GLIS1: variants seen among roughly 807,000 people sequenced by gnomAD.
GLIS1 encodes the protein zinc finger protein GLIS1.
GLIS1 carries 24 observed loss-of-function variants against 63.8 expected under a neutral mutation model. The ratio of observed to expected loss-of-function variants is 0.38; its 90% CI spans 0.27 to 0.53. The LOEUF (loss-of-function observed/expected upper bound fraction) is 0.53, where lower values mean the gene tolerates loss of function less well. GLIS1 is among the 20% of genes least tolerant of loss of function. The probability of loss-of-function intolerance (pLI) is 0.85; values close to 1 mark genes in which losing one functional copy is unlikely to be tolerated. For missense variants in GLIS1, 1,036 were observed against 1,074.1 expected, an observed-to-expected ratio of 0.96 and a Z score of 0.50; for synonymous variants, 450 against 482.5, an observed-to-expected ratio of 0.93 and a Z score of 0.88.
chr1:53,730,824 G>T (rs1391817352), intron 2 of GLIS1, among the ~76,000 whole-genome samples: 1 of 152,148 alleles, frequency 6.6e-6, no homozygotes, highest in East Asian at 1.9e-4. Flanking sequence ...CATAGGGGGG[G>T]TCATCTAGCT....
intron 4 of GLIS1, among the ~76,000 whole-genome samples, chr1:53,531,148 G>A (rs1644525834): frequency 6.6e-6 from 1 of 152,220 alleles, no homozygotes; most frequent in Non-Finnish European, 1.5e-5. Context: ...CCTTCCTAGG[G>A]CAGGTGACCC....
At chr1:53,703,639 TAAAAAAAAAA>T (rs59555116) in intron 2 of GLIS1, among the ~76,000 whole-genome samples, 1 of 71,682 alleles carries the variant, frequency 1.4e-5, no homozygotes, top group Non-Finnish European at 2.8e-5. Context: ...ACCCTGTCTC[TAAAAAAAAAA>T]AAAAAAAAAA....
chr1:53,671,999 T>C (rs1362542613), intron 2 of GLIS1, among the ~76,000 whole-genome samples: 1 of 152,204 alleles, frequency 6.6e-6, no homozygotes, highest in Non-Finnish European at 1.5e-5. Flanking sequence ...ATTCTCAGCT[T>C]TTCCCTCTGT....
chr1:53,710,957 C>A (rs936611611), intron 2 of GLIS1, among the ~76,000 whole-genome samples: 2 of 151,656 alleles, frequency 1.3e-5, no homozygotes, highest in African/African-American at 2.4e-5. Flanking sequence ...GCCCCTCCCC[C>A]AACAGAACTG....
intron 2 of GLIS1, among the ~76,000 whole-genome samples, chr1:53,658,427 C>T (rs370196848): frequency 7.2e-5 from 11 of 152,290 alleles, no homozygotes; most frequent in South Asian, 4.1e-4. Flanking sequence ...AAATGCATGA[C>T]GCCAGAAGTT....
intron 4 of GLIS1, among the ~76,000 whole-genome samples, chr1:53,572,336 A>C (rs1434878448): frequency 1.3e-5 from 2 of 152,214 alleles, no homozygotes; most frequent in African/African-American, 4.8e-5. Context: ...ATTGCAGCAC[A>C]GTATCTGGCA....
intron 2 of GLIS1, among the ~76,000 whole-genome samples, chr1:53,681,724 C>T (rs1470605317): frequency 6.6e-6 from 1 of 152,204 alleles, no homozygotes; most frequent in African/African-American, 2.4e-5. Flanking sequence ...TGTGAAGCCC[C>T]CACTTTGCTC....
chr1:53,681,077 T>G (rs1287194805), intron 2 of GLIS1, among the ~76,000 whole-genome samples: 1 of 152,210 alleles, frequency 6.6e-6, no homozygotes, highest in African/African-American at 2.4e-5. Context: ...AGAGAGAGGA[T>G]GCAGGCCCCT....
At chr1:53,681,886 G>C (rs549107416) in intron 2 of GLIS1, among the ~76,000 whole-genome samples, 2 of 151,858 alleles carry the variant, frequency 1.3e-5, no homozygotes, top group Admixed American at 1.3e-4. Context: ...TCTGCACCCA[G>C]CCAGCAATAC....
At chr1:53,524,624 T>C (rs909971596) in intron 6 of GLIS1, among the ~76,000 whole-genome samples, 153 bp downstream of exon 6, 4 of 151,834 alleles carry the variant, frequency 2.6e-5, no homozygotes, top group Non-Finnish European at 5.9e-5. Context: ...AGGTGGGAAG[T>C]GGACGGACGG....
At chr1:53,551,369 C>T (rs575049006) in intron 4 of GLIS1, among the ~76,000 whole-genome samples, 1 of 152,310 alleles carries the variant, frequency 6.6e-6, no homozygotes, top group Non-Finnish European at 1.5e-5. Context: ...CTGTGGTGGC[C>T]CATCTGCACC....
intron 2 of GLIS1, among the ~76,000 whole-genome samples, chr1:53,686,044 C>T (rs369223930): frequency 2.6e-4 from 39 of 152,320 alleles, no homozygotes; most frequent in African/African-American, 8.9e-4. Flanking sequence ...CCAGGCTGCT[C>T]ACTGGCCCCT....
intron 7 of GLIS1, among the ~76,000 whole-genome samples, chr1:53,518,682 A>C (rs1425133081): frequency 6.6e-6 from 1 of 152,208 alleles, no homozygotes; most frequent in Non-Finnish European, 1.5e-5. Context: ...TGGCTCCTCC[A>C]ATCTGTGATG....
In GLIS1 at chr1:53,663,146, AC is replaced by A. The variant is rs934995806; in HGVS notation, c.260-62869del. 6.6e-5 allele frequency among the ~76,000 whole-genome samples: 10 copies of A among 151,696 alleles called. No individual in the cohort carries two copies. In the South Asian group the frequency reaches 2.1e-3, roughly 32 times the overall value. On this transcript the variant is annotated intron_variant, in intron 2 of 10. Coordinates refer to ENST00000628545, the MANE Select transcript of GLIS1 (RefSeq NM_001367484.1). Reference sequence around the variant, plus strand: ...GACCACTGCCACCACCCTAGTCCAGACCCCCAGCACCTCCCATCTCAGCCTG... The same window carrying A: ...GACCACTGCCACCACCCTAGTCCAGACCCCAGCACCTCCCATCTCAGCCTG...
intron 2 of GLIS1, among the ~76,000 whole-genome samples, chr1:53,661,695 C>T (rs1211108358): frequency 6.6e-6 from 1 of 152,184 alleles, no homozygotes; most frequent in Non-Finnish European, 1.5e-5. Flanking sequence ...GACTCCTCCT[C>T]CCCACGGCTC....
intron 2 of GLIS1, among the ~76,000 whole-genome samples, chr1:53,673,136 C>A (rs1468331751): frequency 6.6e-6 from 1 of 152,220 alleles, no homozygotes; most frequent in Non-Finnish European, 1.5e-5. Context: ...CACAAGCCCC[C>A]CTTCATTTCC....
chr1:53,535,249 A>G (rs1239585287), intron 4 of GLIS1, among the ~76,000 whole-genome samples: 3 of 152,004 alleles, frequency 2.0e-5, no homozygotes, highest in African/African-American at 7.3e-5. Context: ...GCAAGGACTG[A>G]TGTGGCACAG....
chr1:53,566,222 T>C (rs12749146), intron 4 of GLIS1, among the ~76,000 whole-genome samples: 8,472 of 152,186 alleles, frequency 0.056, 314 homozygotes, highest in Non-Finnish European at 0.087. Context: ...TTCAATATCA[T>C]ACTGGAAGTC....
At chr1:53,607,214 T>G (rs1645380084) in intron 2 of GLIS1, among the ~76,000 whole-genome samples, 1 of 152,258 alleles carries the variant, frequency 6.6e-6, no homozygotes, top group South Asian at 2.1e-4. Flanking sequence ...CTGCAGTATT[T>G]TCTATGCATC....
Sources: gnomAD v4.1 joint callset for allele counts (sites outside exome capture counted in the v4.1 genomes callset) on GRCh38, gnomAD v4.1.1 for gene constraint, MANE v1.5 for transcripts, NCBI Gene and HGNC (gene_info 2026-07-23, HGNC 2026-07-21) for gene names.